ECE1: variants seen among roughly 807,000 people sequenced by gnomAD.
The protein encoded by ECE1 is endothelin converting enzyme 1.
ECE1 carries 35 observed loss-of-function variants against 98.6 expected under a neutral mutation model. The observed-to-expected ratio is 0.35, with a 90% confidence interval of 0.27 to 0.47. The LOEUF is 0.47. ECE1 is among the 20% of genes least tolerant of loss of function. The pLI, the probability that ECE1 is intolerant of heterozygous loss-of-function variation, is 1.00. For synonymous variants in ECE1, 394 were observed against 407.1 expected, an observed-to-expected ratio of 0.97 and a Z score of 0.39; for missense variants, 814 against 1,025.3, an observed-to-expected ratio of 0.79 and a Z score of 2.81.
chr1:21,295,130 C>A (rs992664831), upstream of ECE1, among the ~76,000 whole-genome samples: 1 of 152,240 alleles, frequency 6.6e-6, no homozygotes, highest in Admixed American at 6.5e-5. Flanking sequence ...CTCTGTGCCT[C>A]AGTACTCATC....
rs985283026 is a variant in ECE1, at chr1:21,307,085, T to C, written c.4-16929A>G. Among the ~76,000 whole-genome samples the C allele has an allele frequency of 4.6e-5, 7 of 152,234 alleles. No homozygotes were observed. The highest frequency in any genetic ancestry group is 1.7e-4 in the African/African-American group (7 of 41,546). On this transcript the variant is annotated intron_variant, in intron 1 of 18. Coordinates refer to the ECE1 transcript ENST00000415912. The surrounding 1 kb of genome is among the most constrained non-coding windows in gnomAD (Gnocchi z 4.2). ...CTGAGGTCCACCGAGGACTCCCTCG[T>C]CTCCCTGCACTCAAGACTCTCCCCT...
intron 11 of ECE1, 29 bp downstream of exon 11, chr1:21,238,105 C>T: frequency 6.3e-7 from 1 of 1,599,870 alleles, no homozygotes; most frequent in Non-Finnish European, 8.6e-7. Context: ...TGTGACCTCA[C>T]AGCCTGTGTC....
At chr1:21,272,029 A>C (rs920998864) in intron 4 of ECE1, among the ~76,000 whole-genome samples, 1 of 152,106 alleles carries the variant, frequency 6.6e-6, no homozygotes, top group African/African-American at 2.4e-5. Context: ...AGCTACGCCA[A>C]GCTTGAAGCC....
In ECE1 at chr1:21,279,268, C is replaced by T. The variant is rs376064396; in HGVS notation, c.203G>A (p.Arg68Gln). The T allele has an allele frequency of 1.8e-4, 291 of 1,614,110 alleles. 1 individual carries two copies. The highest frequency in any genetic ancestry group is 2.4e-4 in the Non-Finnish European group (279 of 1,180,058). The change falls in exon 3 of 19, where the codon CGG (arginine) becomes CAG (glutamine). Residue 68 changes from arginine to glutamine, a missense_variant. Physicochemically the swap from Arg to Gln is conservative, Grantham distance 43. Coordinates refer to ENST00000374893, the MANE Select transcript of ECE1 (RefSeq NM_001397.3). The stretch of plus-strand genomic sequence containing the variant: ...CAGAAGTACCACCAACACCACCAGC[C>T]GCTTCTCCACCTGGGTCCGTGCAGC... ...CWAARTQVEK[R>Q]LVVLVVLLAA...
chr1:21,256,767 C>T (rs28367988), intron 7 of ECE1: 5 of 153,962 alleles, frequency 3.2e-5, no homozygotes, highest in Admixed American at 6.4e-5. Context: ...GACCACCCCC[C>T]ACCCGTGTTC....
intron 2 of ECE1, among the ~76,000 whole-genome samples, chr1:21,282,384 T>C (rs1309413916): frequency 6.7e-6 from 1 of 150,138 alleles, no homozygotes; most frequent in Admixed American, 6.6e-5. Context: ...GGTTGGGAGT[T>C]TGAGACCAGC....
intron 1 of ECE1, among the ~76,000 whole-genome samples, chr1:21,303,431 C>T (rs917938737): frequency 2.0e-5 from 3 of 152,244 alleles, no homozygotes; most frequent in Non-Finnish European, 4.4e-5. Flanking sequence ...TATGGCTCAG[C>T]TTACTCATCT....
chr1:21,225,485 A>G lies in ECE1; in HGVS notation c.1850-45T>C. ...GTCATGTCAAGGGAGGGAGGGGCAC[A>G]GCAGGGACCTGCTGCTCCTCCCTGC... On this transcript the variant is annotated intron_variant, in intron 16 of 18. Coordinates refer to ENST00000374893, the MANE Select transcript of ECE1 (RefSeq NM_001397.3). This position sits in a 1 kb window ranked among gnomAD's most constrained non-coding sequence, Gnocchi z 5.3. 6.2e-7 allele frequency: 1 copy of G among 1,601,034 alleles called. No individual in the cohort carries two copies.
At position 21,337,411 on chromosome 1, in the gene ECE1, G is replaced by GGGGACT. The variant is rs1447185731; in HGVS notation, c.3+7959_3+7964dup. ...AGAGGGCCAGTGGCCACCTGCTGCA[G>GGGGACT]GGGACTGATGGAGGAGGCACACGGG... On this transcript the variant is annotated intron_variant, in intron 1 of 18. Coordinates refer to the ECE1 transcript ENST00000415912. Among the ~76,000 whole-genome samples the GGGGACT allele has an allele frequency of 1.2e-4, 19 of 152,338 alleles. 1 individual carries two copies. In the South Asian group the frequency reaches 3.7e-3, roughly 30 times the overall value.
chr1:21,321,560 G>A (rs1378465542), intron 1 of ECE1, among the ~76,000 whole-genome samples: 2 of 152,160 alleles, frequency 1.3e-5, no homozygotes, highest in Non-Finnish European at 2.9e-5. Flanking sequence ...CACCAGGCTT[G>A]TCATGCACTT....
chr1:21,296,983 C>T (rs1638370345), intron 1 of ECE1, among the ~76,000 whole-genome samples: 1 of 152,164 alleles, frequency 6.6e-6, no homozygotes, highest in South Asian at 2.1e-4. Flanking sequence ...CTCAGGGAGA[C>T]ACTGGAAGGC....
In ECE1 at chr1:21,309,916, C is replaced by T. The variant is rs1450767122; in HGVS notation, c.4-19760G>A. 2.6e-5 allele frequency among the ~76,000 whole-genome samples: 4 copies of T among 152,056 alleles called. No individual in the cohort carries two copies. The East Asian group carries it at 5.8e-4, about 22-fold the overall frequency. On this transcript the variant is annotated intron_variant, in intron 1 of 18. Transcript: ENST00000415912. ...ACGCCATTCTCCTGCCTCAGCCTCC[C>T]GAGTAGGTGGGACTACAGGCGCCCG...
intron 8 of ECE1, among the ~76,000 whole-genome samples, chr1:21,248,874 C>T (rs766519060): frequency 2.0e-5 from 3 of 151,844 alleles, no homozygotes; most frequent in Non-Finnish European, 4.4e-5. Context: ...CTGCCTGCCT[C>T]GGCCTCCCAA....
rs1355262651 is a variant in ECE1 at position 21,272,893 on chromosome 1, A to G, written c.299T>C (p.Leu100Pro). 1.9e-6 allele frequency: 3 copies of G among 1,614,194 alleles called. No individual in the cohort carries two copies. Among genetic ancestry groups the G allele is most frequent in the Non-Finnish European group, 2.5e-6 (3 of 1,180,004 alleles). ...GGTCACTGAGACACAAGCTTCGCTCAGGCACACAGAGGGGGATCCTGGAAG... is the reference window on the plus strand; with the variant it reads ...GGTCACTGAGACACAAGCTTCGCTCGGGCACACAGAGGGGGATCCTGGAAG... ...QYQTRSPSVCLSEACVSVTSS... is the reference protein window; with the variant it reads ...QYQTRSPSVCPSEACVSVTSS... The change falls in exon 4 of 19, where the codon CTG (leucine) becomes CCG (proline). Residue 100 changes from leucine to proline, a missense_variant. Leu to Pro is a moderately conservative substitution (Grantham distance 98). Coordinates refer to ENST00000374893, the MANE Select transcript of ECE1 (RefSeq NM_001397.3).
At chr1:21,269,792 G>A (rs1400992025) in intron 4 of ECE1, among the ~76,000 whole-genome samples, 2 of 152,256 alleles carry the variant, frequency 1.3e-5, no homozygotes, top group Admixed American at 1.3e-4. Context: ...CAGGTCACTT[G>A]TCCAAGGCCA....
At chr1:21,239,813 C>G (rs2098193710) in intron 10 of ECE1, among the ~76,000 whole-genome samples, 3 of 151,318 alleles carry the variant, frequency 2.0e-5, no homozygotes, top group Non-Finnish European at 4.4e-5. Flanking sequence ...ATGCTATGCC[C>G]AAGGCAGAAG....
At chr1:21,321,234 G>A (rs1229436841) in intron 1 of ECE1, among the ~76,000 whole-genome samples, 4 of 152,148 alleles carry the variant, frequency 2.6e-5, no homozygotes, top group Non-Finnish European at 5.9e-5. Context: ...CCCTGCTCCT[G>A]GGAGAGATAA....
At position 21,258,429 on chromosome 1, in the gene ECE1, T is replaced by G. The variant is rs2098222674; in HGVS notation, c.762+264A>C. On this transcript the variant is annotated intron_variant, in intron 6 of 18. Transcript: ENST00000374893. This position sits in a 1 kb window ranked among gnomAD's most constrained non-coding sequence, Gnocchi z 4.2. ...GGAAACCAGGATGTGGGTTCAGCTG[T>G]GCCCAGGAGTTGACATCATTCTTGG... Among the ~76,000 whole-genome samples the G allele has an allele frequency of 6.6e-6, 1 of 152,184 alleles. No individual in the cohort carries two copies. Among genetic ancestry groups the G allele is most frequent in the Non-Finnish European group, 1.5e-5 (1 of 68,046 alleles).
rs893490881 is a variant in ECE1 at position 21,327,093 on chromosome 1, A to T, written c.3+18283T>A. On this transcript the variant is annotated intron_variant, in intron 1 of 18. Coordinates refer to the ECE1 transcript ENST00000415912. This position sits in a 1 kb window ranked among gnomAD's most constrained non-coding sequence, Gnocchi z 4.6. ...GGTCACAGCACTGCCCTCCCTGTAG[A>T]TGCTTCAAAGCACCCCACTCCCTTG... is the stretch of plus-strand genomic sequence containing the variant. Among the ~76,000 whole-genome samples, 2 of 152,098 alleles carry T rather than the reference A, an allele frequency of 1.3e-5. No homozygotes were observed. Among genetic ancestry groups the T allele is most frequent in the African/African-American group, 4.8e-5 (2 of 41,416 alleles).
Sources: allele counts gnomAD v4.1 joint callset (sites outside exome capture counted in the v4.1 genomes callset), GRCh38; gene constraint gnomAD v4.1.1; non-coding constraint Gnocchi (gnomAD v3.1); transcripts MANE v1.5; gene names NCBI Gene and HGNC (gene_info 2026-07-23, HGNC 2026-07-21).